The following NDST4 variants were observed in gnomAD, a reference collection of about 807,000 sequenced individuals.
NDST4 encodes N-heparan sulfate sulfotransferase 4.
Under a neutral mutation model 100.8 loss-of-function variants are expected in NDST4, and 63 were observed. The observed-to-expected ratio is 0.62, with a 90% CI of 0.51 to 0.77. The LOEUF (loss-of-function observed/expected upper bound fraction) is 0.77, where lower values mean the gene tolerates loss of function less well. NDST4 is among the 30% of genes least tolerant of loss of function. NDST4 has a pLI of 0.00. For synonymous variants in NDST4, 377 were observed against 361.8 expected (o/e 1.04, Z -0.48); for missense variants, 943 against 1,018.4 (o/e 0.93, Z 1.01).
intron 7 of NDST4, among the ~76,000 whole-genome samples, chr4:114,868,866 T>C (rs1724087420): frequency 6.6e-6 from 1 of 151,020 alleles, no homozygotes; most frequent in African/African-American, 2.4e-5. Context: ...TTCTGAGTTA[T>C]TCTCTCTCTT....
intron 10 of NDST4, among the ~76,000 whole-genome samples, chr4:114,844,331 T>C (rs956433144): frequency 2.0e-5 from 3 of 152,184 alleles, no homozygotes; most frequent in Non-Finnish European, 2.9e-5. Flanking sequence ...TTCAAAGGCT[T>C]TCAGTTGCTC....
At chr4:114,875,922 A>G (rs371040154) in intron 6 of NDST4, among the ~76,000 whole-genome samples, 1 of 152,316 alleles carries the variant, frequency 6.6e-6, no homozygotes, top group Non-Finnish European at 1.5e-5. Context: ...GCCAGAATAT[A>G]TTATACAGCA....
chr4:115,003,857 G>C (rs1023556136), intron 2 of NDST4, among the ~76,000 whole-genome samples: 17 of 151,142 alleles, frequency 1.1e-4, no homozygotes, highest in African/African-American at 4.2e-4. Context: ...GACAGTGTAA[G>C]ACTCTGTCTC....
At chr4:115,052,433 G>T (rs561791215) in intron 2 of NDST4, among the ~76,000 whole-genome samples, 1 of 152,190 alleles carries the variant, frequency 6.6e-6, no homozygotes, top group South Asian at 2.1e-4. Context: ...TGGCTGTGCT[G>T]CCACCCAAAT....
chr4:114,885,349 A>C (rs922219160), intron 6 of NDST4, among the ~76,000 whole-genome samples: 2 of 152,152 alleles, frequency 1.3e-5, no homozygotes, highest in East Asian at 3.9e-4. Context: ...ATTAAAAAGC[A>C]TTGTCCATTC....
chr4:114,914,935 C>T (rs1201094472), intron 6 of NDST4, among the ~76,000 whole-genome samples: 1 of 152,058 alleles, frequency 6.6e-6, no homozygotes, highest in African/African-American at 2.4e-5. Flanking sequence ...GGAGGTGGGG[C>T]ATCTTTTAAT....
chr4:114,867,665 C>CAAAAAAAAAAAAAAAAAAAAAAAAAACAA, intron 7 of NDST4, among the ~76,000 whole-genome samples: 1 of 79,900 alleles, frequency 1.3e-5, no homozygotes, highest in Non-Finnish European at 2.3e-5. Flanking sequence ...AAAAAAAAAG[C>CAAAAAAAAAAAAAAAAAAAAAAAAAACAA]AAAAAAAAAA....
rs780116580 is a variant in NDST4, at chr4:114,845,974, G to A, written c.1964C>T (p.Pro655Leu). 2.5e-6 allele frequency: 4 copies of A among 1,609,052 alleles called. No homozygotes were observed. The highest frequency in any genetic ancestry group is 2.7e-5 in the African/African-American group (2 of 74,912). Residue 655 changes from proline (P) to leucine (L), a missense_variant, in exon 10 of 14, where the codon CCA (proline) becomes CTA (leucine). Coordinates refer to ENST00000264363, the MANE Select transcript of NDST4 (RefSeq NM_022569.3). The stretch of plus-strand genomic sequence containing the variant: ...CAGAAAGTCACTTGTAGTATTGGAT[G>A]GTGTAGGGAAAAAGTCCATATACCT... Reference protein sequence around the residue: ...IDWYMDFFPTPSNTTSDFLFE... With the variant: ...IDWYMDFFPTLSNTTSDFLFE...
At chr4:114,852,647 T>C (rs983073741) in intron 8 of NDST4, 78 bp downstream of exon 8, 7 of 741,812 alleles carry the variant, frequency 9.4e-6, no homozygotes, top group African/African-American at 1.8e-5. Flanking sequence ...AAAAATCTAA[T>C]CTGATAAATC....
chr4:115,022,479 C>CATATATATGTATGTTCCAT (rs1727877386), intron 2 of NDST4, among the ~76,000 whole-genome samples: 1 of 137,482 alleles, frequency 7.3e-6, no homozygotes, highest in Non-Finnish European at 1.6e-5. Context: ...ATATGTGTTC[C>CATATATATGTATGTTCCAT]ATATATATGT....
intron 1 of NDST4, among the ~76,000 whole-genome samples, chr4:115,099,871 G>T (rs1368378818): frequency 6.6e-6 from 1 of 151,986 alleles, no homozygotes; most frequent in Admixed American, 6.6e-5. Context: ...ATGTTTTATT[G>T]CAGCTTTATT....
At chr4:115,089,705 T>G (rs1354430261) in intron 1 of NDST4, among the ~76,000 whole-genome samples, 1 of 151,968 alleles carries the variant, frequency 6.6e-6, no homozygotes, top group African/African-American at 2.4e-5. Context: ...CACAGTAGAT[T>G]AGTAACAATC....
intron 10 of NDST4, among the ~76,000 whole-genome samples, chr4:114,844,828 A>G (rs1439711530): frequency 6.6e-6 from 1 of 152,222 alleles, no homozygotes; most frequent in African/African-American, 2.4e-5. Flanking sequence ...GCTCCTAAAC[A>G]TTTGTCCATC....
intron 2 of NDST4, among the ~76,000 whole-genome samples, chr4:115,045,893 T>C (rs1181559766): frequency 1.3e-5 from 2 of 152,148 alleles, no homozygotes. Flanking sequence ...TGACTACTAA[T>C]TCTTGAAATG....
rs1432263821 is a variant in NDST4 at position 115,015,973 on chromosome 4, T to C, written c.979-38699A>G. On this transcript the variant is annotated intron_variant, in intron 2 of 13. Transcript: ENST00000264363. ...TTCTAGCATGGAAGGAGCAGCATTT[T>C]GTTCTTACTGAAATAGACATTCTGG... Among the ~76,000 whole-genome samples, 11 of 152,056 alleles carry C rather than the reference T, an allele frequency of 7.2e-5. No homozygotes were observed. The South Asian group carries it at 2.3e-3, about 32-fold the overall frequency.
At chr4:114,871,953 T>C (rs899470078) in intron 6 of NDST4, among the ~76,000 whole-genome samples, 1 of 152,022 alleles carries the variant, frequency 6.6e-6, no homozygotes, top group Non-Finnish European at 1.5e-5. Flanking sequence ...TTAGAACAAA[T>C]GTAACATCTG....
intron 4 of NDST4, among the ~76,000 whole-genome samples, chr4:114,944,808 G>A (rs534030406): frequency 2.6e-5 from 4 of 152,250 alleles, no homozygotes; most frequent in South Asian, 2.1e-4. Flanking sequence ...CTTCACATGC[G>A]GGGGTAGAAG....
intron 4 of NDST4, among the ~76,000 whole-genome samples, chr4:114,939,470 A>G (rs1725701077): frequency 6.6e-6 from 1 of 152,186 alleles, no homozygotes; most frequent in African/African-American, 2.4e-5. Context: ...GTCTTAACTA[A>G]TCACTTTGTT....
intron 2 of NDST4, among the ~76,000 whole-genome samples, chr4:114,997,833 C>T (rs1330318885): frequency 6.6e-6 from 1 of 151,896 alleles, no homozygotes; most frequent in Non-Finnish European, 1.5e-5. Context: ...TCTTTTCTGC[C>T]CACTCCAACC....
Sources: allele counts gnomAD v4.1 joint callset (sites outside exome capture counted in the v4.1 genomes callset), GRCh38; gene constraint gnomAD v4.1.1; transcripts MANE v1.5; gene names NCBI Gene and HGNC (gene_info 2026-07-23, HGNC 2026-07-21).